MS4A12: variants seen among roughly 807,000 people sequenced by gnomAD.
The protein encoded by MS4A12 is membrane spanning 4-domains A12.
A neutral mutation model predicts 23.7 loss-of-function variants in MS4A12; 28 were observed. That is an observed-to-expected ratio of 1.18 (90% CI 0.88 to 1.62). The LOEUF (loss-of-function observed/expected upper bound fraction) is 1.62, where lower values mean the gene tolerates loss of function less well. MS4A12 is among the 40% of genes most tolerant of loss of function. The pLI is 0.00. For synonymous variants in MS4A12, 108 were observed against 110.1 expected, an observed-to-expected ratio of 0.98 and a Z score of 0.12; for missense variants, 342 against 327.0, an observed-to-expected ratio of 1.05 and a Z score of -0.35.
At chr11:60,497,045 T>A (rs2086492414) in intron 1 of MS4A12, among the ~76,000 whole-genome samples, 1 of 152,184 alleles carries the variant, frequency 6.6e-6, no homozygotes, top group Non-Finnish European at 1.5e-5. Flanking sequence ...GCTGGTCTGA[T>A]AGGAGGCAGA....
At chr11:60,506,899 T>G (rs1245836289) in intron 6 of MS4A12, 61 bp downstream of exon 6, 8 of 1,549,806 alleles carry the variant, frequency 5.2e-6, no homozygotes, top group Non-Finnish European at 7.1e-6. Flanking sequence ...TACAGACTTG[T>G]GTCTGCTAAA....
chr11:60,501,122 A>G lies in MS4A12; in HGVS notation c.354A>G (p.Glu118=). The G allele has an allele frequency of 6.2e-7, 1 of 1,613,802 alleles. No individual in the cohort carries two copies. The highest frequency in any genetic ancestry group is 1.1e-5 in the South Asian group (1 of 91,010). ...VLCLISFSFR[E]VLGFASTAVI... is the part of the protein sequence containing the mutation. ...GTTTAATATCCTTCTCTTTTAGAGA[A>G]GTATTAGGTTTTGCCTCTACTGCTG... The change falls in exon 3 of 7, where the codon GAA becomes GAG. Residue 118 remains glutamate (E), a synonymous_variant. Coordinates refer to ENST00000016913, the MANE Select transcript of MS4A12 (RefSeq NM_017716.3).
intron 2 of MS4A12, among the ~76,000 whole-genome samples, chr11:60,500,649 G>C (rs757471805): frequency 6.6e-6 from 1 of 152,206 alleles, no homozygotes; most frequent in Non-Finnish European, 1.5e-5. Context: ...TCCTTTACCC[G>C]TAACTGGGAT....
chr11:60,498,048 G>A (rs971159595), intron 2 of MS4A12: 3 of 163,298 alleles, frequency 1.8e-5, no homozygotes, highest in African/African-American at 7.2e-5. Flanking sequence ...CATTCCATCT[G>A]CTATGCCTCT....
intron 2 of MS4A12, 74 bp from the exon 3 acceptor site, chr11:60,500,971 G>A: frequency 6.8e-7 from 1 of 1,474,920 alleles, no homozygotes. Flanking sequence ...AATAAGCAGG[G>A]GCAGCAATGA....
rs1016790007 is a variant in MS4A12 at position 60,492,785 on chromosome 11, T to C, written c.-50T>C. On this transcript the variant is annotated 5_prime_UTR_variant, in exon 1 of 7. Coordinates refer to ENST00000016913, the MANE Select transcript of MS4A12 (RefSeq NM_017716.3). ...TAAATATCTGATACTGGCACACAGG[T>C]TGGAGCAGAGAAAGAGGAAACATAG... 6.6e-6 allele frequency: 1 copy of C among 152,082 alleles called. No individual in the cohort carries two copies. The highest frequency in any genetic ancestry group is 2.4e-5 in the African/African-American group (1 of 41,392). 9.4% of individuals were successfully genotyped at this position (152,082 alleles called of 1,614,324 possible).
chr11:60,501,160 A>T lies in MS4A12; in HGVS notation c.392A>T (p.Tyr131Phe), dbSNP rs761679169. ...GCCTCTACTGCTGTTATTGGTGGAT[A>T]CCCATTCTGGGGTGGCCTTTCTGTG... ...GFASTAVIGG[Y>F]PFWGGLSFII... is the part of the protein sequence containing the mutation. The change falls in exon 3 of 7, where the codon TAC becomes TTC. Residue 131 changes from tyrosine (Y) to phenylalanine (F), a missense_variant. Coordinates refer to ENST00000016913, the MANE Select transcript of MS4A12 (RefSeq NM_017716.3). 1 of 1,611,644 alleles carries T rather than the reference A, an allele frequency of 6.2e-7. No homozygotes were observed. Among genetic ancestry groups the T allele is most frequent in the East Asian group, 2.2e-5 (1 of 44,618 alleles).
At chr11:60,502,806 A>G (rs2086541222) in intron 4 of MS4A12, among the ~76,000 whole-genome samples, 2 of 152,236 alleles carry the variant, frequency 1.3e-5, no homozygotes, top group Admixed American at 1.3e-4. Context: ...AAATTAAAAT[A>G]AAATAAGCCT....
rs185824384 is a variant in MS4A12 at position 60,500,168 on chromosome 11, G to A, written c.277-877G>A. 4.8e-3 allele frequency among the ~76,000 whole-genome samples: 732 copies of A among 151,038 alleles called. 3 individuals are homozygous for A. The highest frequency in any genetic ancestry group is 0.017 in the African/African-American group (701 of 41,050). ...AGGCAGGAGAATGGTGTGAACCCGG[G>A]AGGCGGAGCTTGCAGTGAGCCGAGA... On this transcript the variant is annotated intron_variant, in intron 2 of 6. Transcript: ENST00000016913.
intron 4 of MS4A12, among the ~76,000 whole-genome samples, chr11:60,502,839 T>G (rs1028883840): frequency 8.5e-5 from 13 of 152,226 alleles, no homozygotes; most frequent in African/African-American, 2.9e-4. Context: ...CCACTCCTGT[T>G]GCAGTCCAAA....
At position 60,497,427 on chromosome 11, in the gene MS4A12, A is replaced by G. The variant is rs1324209869; in HGVS notation, c.109A>G (p.Ile37Val). The G allele has an allele frequency of 1.9e-6, 3 of 1,614,084 alleles. No homozygotes were observed. The African/African-American group carries it at 4.0e-5, about 22-fold the overall frequency. ...APGFQQPLGS[I>V]NLENQAQGAQ... The stretch of plus-strand genomic sequence containing the variant: ...TGGATTTCAACAGCCTCTGGGTTCA[A>G]TCAACTTAGAAAACCAAGCTCAGGG... The change falls in exon 2 of 7, where the codon ATC (isoleucine) becomes GTC (valine). Residue 37 changes from isoleucine to valine, a missense_variant. Transcript: ENST00000016913.
intron 2 of MS4A12, among the ~76,000 whole-genome samples, chr11:60,499,533 C>T (rs1156243908): frequency 6.6e-6 from 1 of 152,196 alleles, no homozygotes; most frequent in Non-Finnish European, 1.5e-5. Flanking sequence ...GGCCCATCAT[C>T]TCTCTGAAGC....
rs189085795 is a variant in MS4A12, at chr11:60,495,525, G to T, written c.-6-1788G>T. Among the ~76,000 whole-genome samples the T allele has an allele frequency of 1.6e-4, 24 of 151,904 alleles. 1 individual carries two copies. Among genetic ancestry groups the T allele is most frequent in the Admixed American group, 1.4e-3 (22 of 15,254 alleles). On this transcript the variant is annotated intron_variant, in intron 1 of 6. Coordinates refer to ENST00000016913, the MANE Select transcript of MS4A12 (RefSeq NM_017716.3). ...CACTTAACATAGAAATAATAATAGAGCCAACCCTGTAATCGGCACAATTCC... is the reference window on the plus strand; with the variant it reads ...CACTTAACATAGAAATAATAATAGATCCAACCCTGTAATCGGCACAATTCC...
chr11:60,497,588 A>T lies in MS4A12; in HGVS notation c.270A>T (p.Ala90=). Residue 90 remains alanine, a synonymous_variant, in exon 2 of 7, where the codon GCA becomes GCT. Coordinates refer to ENST00000016913, the MANE Select transcript of MS4A12 (RefSeq NM_017716.3). ...TGAACTTTAAAGAAGAAGCAAAGGCACTAGGGGTAAGTCTATTTACTACCA... is the reference window on the plus strand; with the variant it reads ...TGAACTTTAAAGAAGAAGCAAAGGCTCTAGGGGTAAGTCTATTTACTACCA... ...AVMNFKEEAK[A]LGVIQIMVGL... 6.2e-7 allele frequency: 1 copy of T among 1,613,980 alleles called. No homozygotes were observed. Among genetic ancestry groups the T allele is most frequent in the Non-Finnish European group, 8.5e-7 (1 of 1,179,852 alleles).
chr11:60,495,452 C>T (rs2086481366), intron 1 of MS4A12, among the ~76,000 whole-genome samples: 1 of 151,340 alleles, frequency 6.6e-6, no homozygotes, highest in African/African-American at 2.4e-5. Context: ...TAGTAGAGTA[C>T]CTATCTCATG....
chr11:60,497,452 G>C lies in MS4A12; in HGVS notation c.134G>C (p.Gly45Ala). The change falls in exon 2 of 7, where the codon GGT becomes GCT. Residue 45 changes from glycine to alanine, a missense_variant. Physicochemically the swap from Gly to Ala is moderately conservative, Grantham distance 60 (BLOSUM62 0). Coordinates refer to ENST00000016913, the MANE Select transcript of MS4A12 (RefSeq NM_017716.3). ...ATCAACTTAGAAAACCAAGCTCAGG[G>C]TGCTCAGCGTGCTCAGCCCTACGGC... ...GSINLENQAQ[G>A]AQRAQPYGIT... 1.9e-6 allele frequency: 3 copies of C among 1,614,130 alleles called. No homozygotes were observed. Among genetic ancestry groups the C allele is most frequent in the Non-Finnish European group, 2.5e-6 (3 of 1,180,030 alleles).
intron 2 of MS4A12, among the ~76,000 whole-genome samples, chr11:60,498,536 C>T (rs1031718174): frequency 1.3e-5 from 2 of 152,136 alleles, no homozygotes; most frequent in African/African-American, 2.4e-5. Context: ...CCCATACAGC[C>T]AGCCCCACAC....
At chr11:60,501,924 GA>G in intron 3 of MS4A12, 58 bp from the exon 4 acceptor site, 4 of 1,476,930 alleles carry the variant, frequency 2.7e-6, no homozygotes, top group South Asian at 1.2e-5. Context: ...CATATAAAGA[GA>G]AATTCCCAAG....
In MS4A12 at chr11:60,497,324, G is replaced by T. The variant is rs1195128504; in HGVS notation, c.6G>T (p.Met2Ile). 30 of 1,612,328 alleles carry T rather than the reference G, an allele frequency of 1.9e-5. No individual in the cohort carries two copies. Among genetic ancestry groups the T allele is most frequent in the Non-Finnish European group, 2.2e-5 (26 of 1,179,192 alleles). M[M>I]SSKPTSHAEV... Reference sequence around the variant, plus strand: ...TTTGTGATACTTAGGACATAATGATGTCATCCAAGCCAACAAGCCATGCTG... The same window carrying T: ...TTTGTGATACTTAGGACATAATGATTTCATCCAAGCCAACAAGCCATGCTG... The change falls in exon 2 of 7, where the codon ATG (methionine) becomes ATT (isoleucine). Residue 2 changes from methionine (M) to isoleucine (I), a missense_variant. Physicochemically the swap from Met to Ile is conservative, Grantham distance 10. Transcript: ENST00000016913.
Sources: gnomAD v4.1 joint callset for allele counts (sites outside exome capture counted in the v4.1 genomes callset) on GRCh38, gnomAD v4.1.1 for gene constraint, MANE v1.5 for transcripts, NCBI Gene and HGNC (gene_info 2026-07-23, HGNC 2026-07-21) for gene names.